Variants in AKAP6 observed in about 807,000 individuals in gnomAD.
AKAP6 encodes the protein A-kinase anchoring protein 6.
In AKAP6, 58 loss-of-function variants were observed where a neutral mutation model predicts 188.5. The ratio of observed to expected loss-of-function variants is 0.31; its 90% CI spans 0.25 to 0.38. The LOEUF is 0.38. AKAP6 is among the 10% of genes least tolerant of loss of function. AKAP6 has a pLI of 1.00. For missense variants in AKAP6, 2,710 were observed against 2,740.0 expected (o/e 0.99, Z 0.24); for synonymous variants, 989 against 998.6 (o/e 0.99, Z 0.18).
intron 12 of AKAP6, among the ~76,000 whole-genome samples, chr14:32,808,882 C>G (rs1366811153): frequency 3.3e-5 from 5 of 152,074 alleles, no homozygotes; most frequent in African/African-American, 1.2e-4. Flanking sequence ...TATTCTATTT[C>G]TTTTGGCACT....
At position 32,425,869 on chromosome 14, in the gene AKAP6, ATTT is replaced by A. The variant is rs1363817820; in HGVS notation, c.-34-7588_-34-7586del. Among the ~76,000 whole-genome samples the A allele has an allele frequency of 2.6e-5, 4 of 152,150 alleles. No individual in the cohort carries two copies. The East Asian group carries it at 7.7e-4, about 29-fold the overall frequency. On this transcript the variant is annotated intron_variant, in intron 1 of 13. Coordinates refer to ENST00000280979, the MANE Select transcript of AKAP6 (RefSeq NM_004274.5). ...CAGTTTAATTGGATCCCATTTGTCA[ATTT>A]TTGCTATTGTTGCAATTGCTTTTGG...
chr14:32,463,306 A>G (rs1434322837), intron 2 of AKAP6, among the ~76,000 whole-genome samples: 1 of 152,212 alleles, frequency 6.6e-6, no homozygotes, highest in African/African-American at 2.4e-5. Flanking sequence ...CATTCTTCTC[A>G]GTGCCACATA....
At chr14:32,745,308 G>A (rs757763978) in intron 11 of AKAP6, among the ~76,000 whole-genome samples, 21 of 152,080 alleles carry the variant, frequency 1.4e-4, no homozygotes, top group Non-Finnish European at 1.5e-4. Flanking sequence ...ATCTGTTTTA[G>A]GGAGCACCCT....
chr14:32,726,824 G>A (rs146620720), intron 9 of AKAP6, among the ~76,000 whole-genome samples: 133 of 152,244 alleles, frequency 8.7e-4, no homozygotes, highest in African/African-American at 3.1e-3. Flanking sequence ...AAGAGCTGCG[G>A]GGCTGTCAGA....
At chr14:32,783,896 A>G (rs1221311962) in intron 12 of AKAP6, among the ~76,000 whole-genome samples, 1 of 152,188 alleles carries the variant, frequency 6.6e-6, no homozygotes, top group Non-Finnish European at 1.5e-5. Context: ...CTTTAATGAT[A>G]AGAATGGTAC....
intron 2 of AKAP6, among the ~76,000 whole-genome samples, chr14:32,488,800 C>T (rs528080552): frequency 1.4e-4 from 22 of 152,230 alleles, no homozygotes; most frequent in East Asian, 3.9e-4. Context: ...CCAGGTGAGG[C>T]GACACCCCAC....
intron 1 of AKAP6, among the ~76,000 whole-genome samples, chr14:32,412,725 C>T (rs1889528451): frequency 6.6e-6 from 1 of 152,128 alleles, no homozygotes; most frequent in African/African-American, 2.4e-5. Flanking sequence ...CTTCAAGTCT[C>T]CAGGAAATGA....
chr14:32,568,182 G>A lies in AKAP6; in HGVS notation c.2347-8938G>A, dbSNP rs1428213661. On this transcript the variant is annotated intron_variant, in intron 4 of 13. Transcript: ENST00000280979. This position sits in a 1 kb window ranked among gnomAD's most constrained non-coding sequence, Gnocchi z 6.2. ...GCTTGGAAAATAGGAGTGAACAACA[G>A]AGAATGTGACTGTCCTTTGTTTCCT... Among the ~76,000 whole-genome samples, 1 of 152,198 alleles carries A rather than the reference G, an allele frequency of 6.6e-6. No individual in the cohort carries two copies. Among genetic ancestry groups the A allele is most frequent in the Non-Finnish European group, 1.5e-5 (1 of 68,038 alleles).
intron 11 of AKAP6, among the ~76,000 whole-genome samples, chr14:32,757,211 T>G (rs1423588819): frequency 6.6e-6 from 1 of 152,228 alleles, no homozygotes; most frequent in African/African-American, 2.4e-5. Context: ...CTGTAATCTC[T>G]CATCTGGTTT....
chr14:32,561,120 T>C (rs1315349867), intron 4 of AKAP6, among the ~76,000 whole-genome samples: 1 of 152,218 alleles, frequency 6.6e-6, no homozygotes, highest in Non-Finnish European at 1.5e-5. Context: ...TAAAGCTTAC[T>C]GTATAAGTCT....
chr14:32,460,890 G>T (rs1891300352), intron 2 of AKAP6, among the ~76,000 whole-genome samples: 1 of 152,228 alleles, frequency 6.6e-6, no homozygotes. Context: ...GTGGGGAGGG[G>T]CATCCACCAT....
At chr14:32,794,580 A>G (rs2033707797) in intron 12 of AKAP6, among the ~76,000 whole-genome samples, 1 of 152,146 alleles carries the variant, frequency 6.6e-6, no homozygotes, top group African/African-American at 2.4e-5. Flanking sequence ...ACAAACAAAC[A>G]AATAGTTCTT....
chr14:32,710,829 AGAATCGGGGCTGACAACTAT>A (rs1566660400), intron 9 of AKAP6, among the ~76,000 whole-genome samples: 1 of 152,104 alleles, frequency 6.6e-6, no homozygotes, highest in Admixed American at 6.6e-5. Context: ...AAGATAAAAC[AGAATCGGGGCTGACAACTAT>A]GACCTGCAGG....
chr14:32,655,199 AT>A (rs906303196), intron 7 of AKAP6, among the ~76,000 whole-genome samples: 2 of 152,296 alleles, frequency 1.3e-5, no homozygotes, highest in Admixed American at 1.3e-4. Flanking sequence ...AATGAATTTT[AT>A]TTCAGTTAAG....
intron 1 of AKAP6, among the ~76,000 whole-genome samples, chr14:32,403,669 G>C (rs1444306110): frequency 6.6e-6 from 1 of 152,118 alleles, no homozygotes; most frequent in Non-Finnish European, 1.5e-5. Flanking sequence ...TACCTCTCAG[G>C]GTTGCTCTGA....
chr14:32,547,121 C>A, intron 4 of AKAP6, 122 bp downstream of exon 4: 2 of 992,744 alleles, frequency 2.0e-6, no homozygotes, highest in South Asian at 1.8e-5. Context: ...ATCTGATTCT[C>A]CAAAGAAAGA....
chr14:32,408,948 C>T (rs906122392), intron 1 of AKAP6, among the ~76,000 whole-genome samples: 1 of 152,058 alleles, frequency 6.6e-6, no homozygotes, highest in African/African-American at 2.4e-5. Flanking sequence ...GCCTGTAATC[C>T]CAGCACTTTG....
chr14:32,329,747 T>TA (rs371479833), intron 1 of AKAP6, among the ~76,000 whole-genome samples: 250 of 152,232 alleles, frequency 1.6e-3, no homozygotes, highest in African/African-American at 5.4e-3. Flanking sequence ...TGTAAAAATA[T>TA]AGATTTCTTT....
intron 12 of AKAP6, among the ~76,000 whole-genome samples, chr14:32,778,186 T>C (rs532811783): frequency 1.3e-5 from 2 of 152,190 alleles, no homozygotes; most frequent in East Asian, 3.8e-4. Context: ...CAAGAAATGT[T>C]AAAGGCAGTC....
Sources: gnomAD v4.1 joint callset for allele counts (sites outside exome capture counted in the v4.1 genomes callset) on GRCh38, gnomAD v4.1.1 for gene constraint, Gnocchi (gnomAD v3.1) non-coding constraint, MANE v1.5 for transcripts, NCBI Gene and HGNC (gene_info 2026-07-23, HGNC 2026-07-21) for gene names.